The following MYRIP variants were observed in gnomAD, a reference collection of about 807,000 sequenced individuals.
MYRIP encodes the protein rab effector MyRIP.
A neutral mutation model predicts 98.0 loss-of-function variants in MYRIP; 49 were observed. The ratio of observed to expected loss-of-function variants is 0.50; its 90% CI spans 0.40 to 0.63. The LOEUF is 0.63. Ranked by LOEUF, MYRIP falls within the 30% of genes least tolerant of loss-of-function variation. The probability of loss-of-function intolerance (pLI) is 0.00; values close to 1 mark genes in which losing one functional copy is unlikely to be tolerated. For missense variants in MYRIP, 1,004 were observed against 1,058.2 expected, an observed-to-expected ratio of 0.95 and a Z score of 0.71; for synonymous variants, 404 against 409.5, an observed-to-expected ratio of 0.99 and a Z score of 0.16.
chr3:40,182,132 G>T, intron 8 of MYRIP, 88 bp from the exon 9 acceptor site: 1 of 1,375,354 alleles, frequency 7.3e-7, no homozygotes. Context: ...TCTCCATGCT[G>T]GACAATGTCT....
chr3:39,839,416 C>A (rs1941727714), intron 1 of MYRIP, among the ~76,000 whole-genome samples: 1 of 152,072 alleles, frequency 6.6e-6, no homozygotes, highest in Non-Finnish European at 1.5e-5. Context: ...CGCCACCATG[C>A]CTGGCTAATT....
intron 3 of MYRIP, among the ~76,000 whole-genome samples, chr3:40,141,701 T>C (rs1174894797): frequency 1.3e-5 from 2 of 152,212 alleles, no homozygotes; most frequent in Admixed American, 6.5e-5. Flanking sequence ...TGGAAAAGAC[T>C]GTCCTTTCTC....
intron 3 of MYRIP, among the ~76,000 whole-genome samples, chr3:40,060,056 C>T (rs1025664111): frequency 6.6e-6 from 1 of 152,038 alleles, no homozygotes; most frequent in African/African-American, 2.4e-5. Flanking sequence ...GCTTTCTTAC[C>T]ACCTTGCCCA....
chr3:40,232,655 G>A (rs1952694446), intron 11 of MYRIP, among the ~76,000 whole-genome samples: 1 of 152,232 alleles, frequency 6.6e-6, no homozygotes, highest in Non-Finnish European at 1.5e-5. Flanking sequence ...TGGAAACCAT[G>A]ACTGCCAAGC....
intron 3 of MYRIP, among the ~76,000 whole-genome samples, chr3:40,121,002 T>A (rs948191905): frequency 6.6e-6 from 1 of 152,098 alleles, no homozygotes; most frequent in Middle Eastern, 3.4e-3. Context: ...CAGAGAGGAA[T>A]GAATCAAGCA....
At chr3:40,149,531 A>G (rs1013663430) in intron 3 of MYRIP, among the ~76,000 whole-genome samples, 11 of 152,242 alleles carry the variant, frequency 7.2e-5, no homozygotes, top group Admixed American at 2.0e-4. Flanking sequence ...TTCAACTTCA[A>G]TAGAGAACCA....
intron 3 of MYRIP, among the ~76,000 whole-genome samples, chr3:40,099,852 C>A (rs1047993507): frequency 3.3e-5 from 5 of 152,262 alleles, no homozygotes; most frequent in Non-Finnish European, 7.4e-5. Flanking sequence ...AGTAAAAATT[C>A]ATGTAACATT....
At position 40,051,766 on chromosome 3, in the gene MYRIP, C is replaced by T. The variant is rs1217498008; in HGVS notation, c.332+7495C>T. Among the ~76,000 whole-genome samples, 3 of 152,050 alleles carry T rather than the reference C, an allele frequency of 2.0e-5. No homozygotes were observed. In the East Asian group the frequency reaches 5.8e-4, roughly 29 times the overall value. On this transcript the variant is annotated intron_variant, in intron 3 of 16. Coordinates refer to ENST00000302541, the MANE Select transcript of MYRIP (RefSeq NM_015460.4). Reference sequence around the variant, plus strand: ...AAAACTTAAGGCTTCTTTTCTTTTTCCTTGGAATTGAGTATTATTTACTTC... The same window carrying T: ...AAAACTTAAGGCTTCTTTTCTTTTTTCTTGGAATTGAGTATTATTTACTTC...
rs1953342152 is a variant in MYRIP at position 40,250,517 on chromosome 3, C to G, written c.2428+18C>G. 1 of 1,613,816 alleles carries G rather than the reference C, an allele frequency of 6.2e-7. No homozygotes were observed. The highest frequency in any genetic ancestry group is 8.5e-7 in the Non-Finnish European group (1 of 1,179,840). ...GGTGAAAGGTATGCTAAATTAAAAC[C>G]ACAAAGCTACCAAAAAATTAAGCCT... On this transcript the variant is annotated intron_variant, in intron 15 of 16. Coordinates refer to ENST00000302541, the MANE Select transcript of MYRIP (RefSeq NM_015460.4).
chr3:40,165,074 G>A (rs921614630), intron 5 of MYRIP, among the ~76,000 whole-genome samples: 1 of 152,092 alleles, frequency 6.6e-6, no homozygotes, highest in Non-Finnish European at 1.5e-5. Flanking sequence ...ATACATCGGT[G>A]GCTATCTTGA....
chr3:39,882,967 A>G (rs56128800), intron 1 of MYRIP, among the ~76,000 whole-genome samples: 3,345 of 151,148 alleles, frequency 0.022, 115 homozygotes, highest in African/African-American at 0.075. Context: ...AAAATATGAG[A>G]GAAAAATAAA....
intron 1 of MYRIP, among the ~76,000 whole-genome samples, chr3:39,846,146 C>T (rs1941959327): frequency 2.0e-5 from 3 of 152,032 alleles, no homozygotes; most frequent in Admixed American, 1.3e-4. Context: ...CACTGTTCAG[C>T]AGGAGTTAAC....
intron 2 of MYRIP, among the ~76,000 whole-genome samples, chr3:39,921,952 A>G (rs1427738935): frequency 6.6e-6 from 1 of 151,374 alleles, no homozygotes; most frequent in African/African-American, 2.4e-5. Flanking sequence ...GATTAGATGT[A>G]CTTTTTTCCA....
At chr3:40,065,839 C>A (rs1186802518) in intron 3 of MYRIP, among the ~76,000 whole-genome samples, 1 of 152,134 alleles carries the variant, frequency 6.6e-6, no homozygotes, top group Non-Finnish European at 1.5e-5. Context: ...TTGTACCCAA[C>A]ACAGCTCGAG....
chr3:40,011,265 T>G (rs1187239496), intron 2 of MYRIP, among the ~76,000 whole-genome samples: 2 of 152,158 alleles, frequency 1.3e-5, no homozygotes, highest in East Asian at 1.9e-4. Context: ...CACACCTAGC[T>G]GCAAGTGGTG....
chr3:40,255,528 C>T (rs1364674754), intron 16 of MYRIP, among the ~76,000 whole-genome samples: 1 of 152,002 alleles, frequency 6.6e-6, no homozygotes, highest in Non-Finnish European at 1.5e-5. Flanking sequence ...AAAGAACAGA[C>T]AATATTTACT....
At chr3:40,206,103 T>G (rs1242166937) in intron 10 of MYRIP, among the ~76,000 whole-genome samples, 1 of 152,004 alleles carries the variant, frequency 6.6e-6, no homozygotes, top group Non-Finnish European at 1.5e-5. Context: ...ATATCAGGGG[T>G]CCACAGAGGC....
chr3:39,846,329 C>T (rs1420675127), intron 1 of MYRIP, among the ~76,000 whole-genome samples: 2 of 152,154 alleles, frequency 1.3e-5, no homozygotes, highest in African/African-American at 2.4e-5. Flanking sequence ...CCTAGATCAC[C>T]CTGCATTCCC....
chr3:40,084,355 CGATA>C (rs774955487), intron 3 of MYRIP, among the ~76,000 whole-genome samples: 2 of 68,046 alleles, frequency 2.9e-5, no homozygotes, highest in African/African-American at 5.9e-5. Context: ...TATTATATAT[CGATA>C]GATAATACAC....
Sources: gnomAD v4.1 joint callset for allele counts (sites outside exome capture counted in the v4.1 genomes callset) on GRCh38, gnomAD v4.1.1 for gene constraint, MANE v1.5 for transcripts, NCBI Gene and HGNC (gene_info 2026-07-23, HGNC 2026-07-21) for gene names.